Variants in SLC3A1 observed in about 807,000 individuals in gnomAD.
SLC3A1 encodes the protein solute carrier family 3 member 1.
Under a neutral mutation model 60.3 loss-of-function variants are expected in SLC3A1, and 78 were observed. The observed-to-expected ratio is 1.29, with a 90% CI of 1.08 to 1.56. The LOEUF is 1.56. SLC3A1 is among the 40% of genes most tolerant of loss of function. The pLI is 0.00. For synonymous variants in SLC3A1, 392 were observed against 307.9 expected (o/e 1.27, Z -2.86); for missense variants, 1,172 against 858.9 (o/e 1.36, Z -4.56).
chr2:44,311,407 A>C (rs1450797290), intron 7 of SLC3A1, among the ~76,000 whole-genome samples: 1 of 151,848 alleles, frequency 6.6e-6, no homozygotes, highest in Non-Finnish European at 1.5e-5. Context: ...GACTCCCCCC[A>C]CCATTATATG....
chr2:44,278,336 T>C (rs1290314910), intron 1 of SLC3A1, among the ~76,000 whole-genome samples: 1 of 151,946 alleles, frequency 6.6e-6, no homozygotes, highest in African/African-American at 2.4e-5. Flanking sequence ...TATTCCCAGC[T>C]ATTTGGGTGG....
chr2:44,306,354 C>T (rs571746110), intron 7 of SLC3A1, among the ~76,000 whole-genome samples: 1 of 152,238 alleles, frequency 6.6e-6, no homozygotes, highest in East Asian at 1.9e-4. Context: ...CACAATTAAG[C>T]TTATTTCAAT....
Position 44,275,515 on chromosome 2 carries a change from G to A in SLC3A1, c.-21G>A, listed in dbSNP as rs746039602. The A allele has an allele frequency of 1.3e-5, 21 of 1,610,674 alleles. No homozygotes were observed. The highest frequency in any genetic ancestry group is 1.0e-4 in the South Asian group (9 of 90,438). On this transcript the variant is annotated 5_prime_UTR_variant, in exon 1 of 10. Coordinates refer to ENST00000260649, the MANE Select transcript of SLC3A1 (RefSeq NM_000341.4). ...CTCCCTTACTGCAGGAAGGCACTCCGAAGACATAAGTCGGTGAGACATGGC... is the reference window on the plus strand; with the variant it reads ...CTCCCTTACTGCAGGAAGGCACTCCAAAGACATAAGTCGGTGAGACATGGC...
intron 7 of SLC3A1, among the ~76,000 whole-genome samples, chr2:44,306,719 A>C (rs915326332): frequency 4.0e-5 from 6 of 151,540 alleles, no homozygotes; most frequent in African/African-American, 1.5e-4. Flanking sequence ...ACACCCAGCT[A>C]ATTTTTTGTA....
chr2:44,285,633 C>T, intron 3 of SLC3A1: 1 of 476,048 alleles, frequency 2.1e-6, no homozygotes, highest in African/African-American at 2.0e-5. Context: ...TGGGCTCAAG[C>T]TCCAAGATGA....
chr2:44,289,434 C>A (rs1572796259), intron 4 of SLC3A1, among the ~76,000 whole-genome samples: 1 of 151,934 alleles, frequency 6.6e-6, no homozygotes, highest in Non-Finnish European at 1.5e-5. Context: ...TGGTCTCGAA[C>A]TCGTGGTCTC....
intron 7 of SLC3A1, among the ~76,000 whole-genome samples, chr2:44,309,917 C>T (rs766187905): frequency 6.7e-6 from 1 of 148,988 alleles, no homozygotes; most frequent in Non-Finnish European, 1.5e-5. Context: ...GAGACAGGGT[C>T]TCACTTTGTC....
rs776764019 is a variant in SLC3A1, at chr2:44,275,805, C to T, written c.270C>T (p.Phe90=). The T allele has an allele frequency of 1.9e-6, 3 of 1,614,272 alleles. No individual in the cohort carries two copies. Among genetic ancestry groups the T allele is most frequent in the Non-Finnish European group, 1.7e-6 (2 of 1,180,042 alleles). ...ARYRIPREIL[F]WLTVASVLVL... ...ACCGCATACCTCGGGAGATCCTCTT[C>T]TGGCTCACAGTGGCTTCTGTGCTGG... Residue 90 remains phenylalanine (F), a synonymous_variant, in exon 1 of 10, where the codon TTC becomes TTT. Transcript: ENST00000260649.
intron 7 of SLC3A1, among the ~76,000 whole-genome samples, chr2:44,308,874 A>T (rs1038051531): frequency 7.9e-5 from 12 of 152,114 alleles, no homozygotes; most frequent in African/African-American, 2.9e-4. Flanking sequence ...CTGGGACTAC[A>T]GGTGCCTGCC....
intron 4 of SLC3A1, among the ~76,000 whole-genome samples, chr2:44,294,956 C>T (rs1671817258): frequency 6.6e-6 from 1 of 152,094 alleles, no homozygotes; most frequent in African/African-American, 2.4e-5. Context: ...GTTGCCCAGG[C>T]TGGTCTTGAA....
chr2:44,284,505 A>G (rs1229415303), intron 3 of SLC3A1, among the ~76,000 whole-genome samples: 1 of 152,232 alleles, frequency 6.6e-6, no homozygotes, highest in Non-Finnish European at 1.5e-5. Context: ...CCACAGAAGT[A>G]TAAAAAATAC....
chr2:44,303,732 C>A, intron 6 of SLC3A1: 2 of 332,212 alleles, frequency 6.0e-6, no homozygotes, highest in South Asian at 3.2e-5. Flanking sequence ...CTTCCCTTAG[C>A]CCCCCACCCA....
chr2:44,303,926 C>T (rs1672083602), intron 6 of SLC3A1: 1 of 628,530 alleles, frequency 1.6e-6, no homozygotes, highest in Non-Finnish European at 2.9e-6. Flanking sequence ...TTTTTTATGG[C>T]TGCATAGTAT....
At chr2:44,299,436 G>A (rs956143498) in intron 4 of SLC3A1, among the ~76,000 whole-genome samples, 1 of 152,158 alleles carries the variant, frequency 6.6e-6, no homozygotes, top group Non-Finnish European at 1.5e-5. Context: ...CTTGGTTGAT[G>A]GTTGATTCTA....
chr2:44,275,740 C>A lies in SLC3A1; in HGVS notation c.205C>A (p.Pro69Thr), dbSNP rs1167382412. 1.9e-6 allele frequency: 3 copies of A among 1,614,212 alleles called. No individual in the cohort carries two copies. ...GGGCGTCCAGCCCTATGCGGGGATG[C>A]CCAAGGAGGTGCTGTTCCAGTTCTC... ...FKGVQPYAGM[P>T]KEVLFQFSGQ... Residue 69 changes from proline to threonine, a missense_variant, in exon 1 of 10, where the codon CCC (proline) becomes ACC (threonine). By Grantham distance (38) the Pro-to-Thr change is conservative. Coordinates refer to ENST00000260649, the MANE Select transcript of SLC3A1 (RefSeq NM_000341.4).
At chr2:44,296,249 CT>C in intron 4 of SLC3A1, among the ~76,000 whole-genome samples, 1 of 152,276 alleles carries the variant, frequency 6.6e-6, no homozygotes, top group East Asian at 1.9e-4. Flanking sequence ...TGTTTCTCTC[CT>C]TTGTCTCAGC....
intron 1 of SLC3A1, among the ~76,000 whole-genome samples, chr2:44,277,809 T>C (rs1671383484): frequency 6.6e-6 from 1 of 152,228 alleles, no homozygotes; most frequent in African/African-American, 2.4e-5. Flanking sequence ...CTGATGTTTG[T>C]CATTTCCAAT....
intron 4 of SLC3A1, among the ~76,000 whole-genome samples, chr2:44,296,956 C>T (rs1259909229): frequency 6.6e-6 from 1 of 152,200 alleles, no homozygotes; most frequent in African/African-American, 2.4e-5. Flanking sequence ...CATTCGCCTT[C>T]TGCCATGATT....
At chr2:44,292,374 G>A (rs188657424) in intron 4 of SLC3A1, among the ~76,000 whole-genome samples, 66 of 152,216 alleles carry the variant, frequency 4.3e-4, no homozygotes, top group Admixed American at 1.2e-3. Flanking sequence ...AATAATAATT[G>A]TGCCATTTAT....
Sources: gnomAD v4.1 joint callset for allele counts (sites outside exome capture counted in the v4.1 genomes callset) on GRCh38, gnomAD v4.1.1 for gene constraint, MANE v1.5 for transcripts, NCBI Gene and HGNC (gene_info 2026-07-23, HGNC 2026-07-21) for gene names.